The following ATP8B1 variants were observed in gnomAD, a reference collection of about 807,000 sequenced individuals.
ATP8B1 encodes the protein phospholipid-transporting ATPase IC.
ATP8B1 carries 80 observed loss-of-function variants against 149.9 expected under a neutral mutation model. That is an observed-to-expected ratio of 0.53 (90% CI 0.45 to 0.64). The LOEUF (loss-of-function observed/expected upper bound fraction) is 0.64, where lower values mean the gene tolerates loss of function less well. ATP8B1 is among the 30% of genes least tolerant of loss of function. The pLI, the probability that ATP8B1 is intolerant of heterozygous loss-of-function variation, is 0.00. For synonymous variants in ATP8B1, 536 were observed against 562.8 expected (o/e 0.95, Z 0.67); for missense variants, 1,247 against 1,552.6 (o/e 0.80, Z 3.31).
chr18:57,659,033 T>C (rs926048126), intron 22 of ATP8B1, among the ~76,000 whole-genome samples: 4 of 152,138 alleles, frequency 2.6e-5, no homozygotes, highest in African/African-American at 4.8e-5. Flanking sequence ...CCTAGCACTT[T>C]GGGAGACTGA....
At chr18:57,800,537 A>T (rs1310582607) in intron 1 of ATP8B1, among the ~76,000 whole-genome samples, 1 of 152,242 alleles carries the variant, frequency 6.6e-6, no homozygotes, top group Non-Finnish European at 1.5e-5. Flanking sequence ...ATTTTAATTC[A>T]TAAGGCAATA....
chr18:57,668,158 G>A lies in ATP8B1; in HGVS notation c.2209+271C>T, dbSNP rs897603954. 2.0e-5 allele frequency: 28 copies of A among 1,385,624 alleles called. No homozygotes were observed. The Admixed American group carries it at 3.5e-4, about 17-fold the overall frequency. The allele number at this position is 1,385,624 out of a possible 1,614,324, so 85.8% of individuals were successfully genotyped here. On this transcript the variant is annotated intron_variant, in intron 19 of 27. Coordinates refer to ENST00000648908, the MANE Select transcript of ATP8B1 (RefSeq NM_001374385.1). ...TGGCCCTTTCAGGACGGGAACCCAC[G>A]TCTGGCTGGAGAGATAAGACCAATT...
At chr18:57,671,929 A>AT (rs1466957806) in intron 16 of ATP8B1, among the ~76,000 whole-genome samples, 1 of 152,162 alleles carries the variant, frequency 6.6e-6, no homozygotes, top group Non-Finnish European at 1.5e-5. Flanking sequence ...GCTAAGTTTG[A>AT]TTTTTTAATA....
intron 1 of ATP8B1, among the ~76,000 whole-genome samples, chr18:57,774,962 G>C (rs181162368): frequency 1.3e-5 from 2 of 152,246 alleles, no homozygotes; most frequent in East Asian, 3.9e-4. Flanking sequence ...TTTTCTCTTT[G>C]TTGTATGATG....
chr18:57,650,456 T>C lies in ATP8B1; in HGVS notation c.3442A>G (p.Thr1148Ala). 1 of 1,613,964 alleles carries C rather than the reference T, an allele frequency of 6.2e-7. No homozygotes were observed. Among genetic ancestry groups the C allele is most frequent in the Non-Finnish European group, 8.5e-7 (1 of 1,179,866 alleles). Reference protein sequence around the residue: ...NALRQPYIWLTIILAVAVCLL... With the variant: ...NALRQPYIWLAIILAVAVCLL... The stretch of plus-strand genomic sequence containing the variant: ...CACACAGCAACAGCCAGGATGATAG[T>C]TAACCAAATGTATGGCTGTCTCAGA... Residue 1148 changes from threonine (T) to alanine (A), a missense_variant, in exon 27 of 28, where the codon ACT becomes GCT. By Grantham distance (58) the Thr-to-Ala change is moderately conservative (BLOSUM62 0). This residue lies in a region of ATP8B1 where 164 missense variants were observed against 160.3 expected (regional missense o/e 1.02). Transcript: ENST00000648908.
chr18:57,682,629 A>C (rs973836549), intron 15 of ATP8B1, among the ~76,000 whole-genome samples: 3 of 152,186 alleles, frequency 2.0e-5, no homozygotes, highest in Non-Finnish European at 4.4e-5. Context: ...TGGTGAGTCA[A>C]ATAGACTTAG....
At chr18:57,788,667 A>G (rs2080433290) in intron 1 of ATP8B1, among the ~76,000 whole-genome samples, 2 of 152,154 alleles carry the variant, frequency 1.3e-5, no homozygotes, top group African/African-American at 4.8e-5. Context: ...CACTCCCCCA[A>G]ACCCTGCTTC....
intron 2 of ATP8B1, among the ~76,000 whole-genome samples, chr18:57,711,189 C>T (rs143726407): frequency 6.6e-6 from 1 of 152,206 alleles, no homozygotes; most frequent in East Asian, 1.9e-4. Context: ...AGGAAATATC[C>T]CCCATGTACC....
chr18:57,771,891 G>C (rs553008114), intron 1 of ATP8B1, among the ~76,000 whole-genome samples: 4 of 152,250 alleles, frequency 2.6e-5, no homozygotes, highest in Admixed American at 6.5e-5. Flanking sequence ...AGTTAGCTCT[G>C]CCTTTAGCTG....
chr18:57,737,551 C>A (rs898151333), intron 1 of ATP8B1, among the ~76,000 whole-genome samples: 1 of 122,820 alleles, frequency 8.1e-6, no homozygotes, highest in African/African-American at 3.0e-5. Context: ...CCATGCCTGG[C>A]TTTTTTTTTC....
At position 57,802,594 on chromosome 18, in the gene ATP8B1, G is replaced by A. The variant is rs1267115004; in HGVS notation, c.-26+404C>T. On this transcript the variant is annotated intron_variant, in intron 1 of 27. Transcript: ENST00000648908. This position sits in a 1 kb window ranked among gnomAD's most constrained non-coding sequence, Gnocchi z 4.9. ...GCCCCAGCAGGACCCGGTCACCGGG[G>A]TCTTCCAGAGGGGCGGTAGCCACCG... is the stretch of plus-strand genomic sequence containing the variant. Among the ~76,000 whole-genome samples the A allele has an allele frequency of 6.6e-6, 1 of 152,254 alleles. No homozygotes were observed. The highest frequency in any genetic ancestry group is 1.5e-5 in the Non-Finnish European group (1 of 68,038).
At chr18:57,696,716 C>G (rs1175417322) in intron 8 of ATP8B1, among the ~76,000 whole-genome samples, 1 of 152,208 alleles carries the variant, frequency 6.6e-6, no homozygotes, top group Non-Finnish European at 1.5e-5. Context: ...GACTCTACCA[C>G]TTACTGTGTG....
chr18:57,674,436 A>G lies in ATP8B1; in HGVS notation c.1819+398T>C, dbSNP rs1235860216. ...GTCTTGCTTTATCGCCCAGGCTGGA[A>G]TGCAGTGGCGCGATGTCGGCTCACT... On this transcript the variant is annotated intron_variant, in intron 16 of 27. Coordinates refer to ENST00000648908, the MANE Select transcript of ATP8B1 (RefSeq NM_001374385.1). 1.1e-4 allele frequency among the ~76,000 whole-genome samples: 15 copies of G among 139,366 alleles called. No homozygotes were observed. The Admixed American group carries it at 1.2e-3, about 11-fold the overall frequency. The allele number at this position is 139,366 out of a possible 152,430, so 91.4% of individuals were successfully genotyped here.
At chr18:57,758,478 TAA>T (rs558042405) in intron 1 of ATP8B1, among the ~76,000 whole-genome samples, 1 of 144,912 alleles carries the variant, frequency 6.9e-6, no homozygotes. Flanking sequence ...CCGTCTCTAC[TAA>T]AAAAAAAAAA....
intron 1 of ATP8B1, among the ~76,000 whole-genome samples, chr18:57,754,966 T>TA (rs1193427231): frequency 1.3e-5 from 2 of 152,176 alleles, no homozygotes; most frequent in African/African-American, 4.8e-5. Context: ...CAAGGCAACT[T>TA]AGAGTTGGTA....
intron 1 of ATP8B1, among the ~76,000 whole-genome samples, chr18:57,798,289 G>T (rs1039232454): frequency 2.0e-5 from 3 of 152,108 alleles, no homozygotes; most frequent in African/African-American, 7.2e-5. Flanking sequence ...AAAACCAGGA[G>T]TGTGGGTCAG....
intron 4 of ATP8B1, 98 bp downstream of exon 4, chr18:57,704,456 TA>T: frequency 1.2e-6 from 1 of 855,028 alleles, no homozygotes; most frequent in Non-Finnish European, 1.9e-6. Flanking sequence ...GATGCTAATA[TA>T]AAACACTTTC....
chr18:57,721,277 C>A (rs8091328), intron 2 of ATP8B1, among the ~76,000 whole-genome samples: 16,376 of 146,454 alleles, frequency 0.11, 1,128 homozygotes, highest in South Asian at 0.24. Context: ...GGACTAAATT[C>A]TCCAATTAAA....
At chr18:57,674,494 C>T (rs1432721854) in intron 16 of ATP8B1, among the ~76,000 whole-genome samples, 1 of 148,496 alleles carries the variant, frequency 6.7e-6, no homozygotes, top group Non-Finnish European at 1.5e-5. Flanking sequence ...ACGCCATTCT[C>T]CTGTCTCAGC....
Sources: allele counts gnomAD v4.1 joint callset (sites outside exome capture counted in the v4.1 genomes callset), GRCh38; gene constraint gnomAD v4.1.1; regional missense constraint gnomAD v4.1.1; non-coding constraint Gnocchi (gnomAD v3.1); transcripts MANE v1.5; gene names NCBI Gene and HGNC (gene_info 2026-07-23, HGNC 2026-07-21).